The following GMEB1 variants were observed in gnomAD, a reference collection of about 807,000 sequenced individuals.
GMEB1 encodes the protein glucocorticoid modulatory element-binding protein 1.
GMEB1 carries 6 observed loss-of-function variants against 52.4 expected under a neutral mutation model. The ratio of observed to expected loss-of-function variants is 0.11; its 90% CI spans 0.06 to 0.23. The LOEUF is 0.23. Among genes scored for constraint, GMEB1 ranks in the 10% least tolerant of loss-of-function variants. GMEB1 has a pLI of 1.00. For synonymous variants in GMEB1, 255 were observed against 244.9 expected, an observed-to-expected ratio of 1.04 and a Z score of -0.38; for missense variants, 486 against 685.6, an observed-to-expected ratio of 0.71 and a Z score of 3.25.
intron 6 of GMEB1, among the ~76,000 whole-genome samples, chr1:28,701,545 G>A (rs938054032): frequency 9.9e-5 from 15 of 152,088 alleles, no homozygotes; most frequent in African/African-American, 3.6e-4. Flanking sequence ...TGGGATTACA[G>A]GCGTGAGCCA....
At chr1:28,679,068 A>G (rs1239111645) in intron 1 of GMEB1, among the ~76,000 whole-genome samples, 2 of 151,250 alleles carry the variant, frequency 1.3e-5, no homozygotes, top group Admixed American at 6.6e-5. Context: ...TTGTATTTTT[A>G]GCAGAGACGG....
chr1:28,690,203 G>GTTTTTTTTTTTTTT lies in GMEB1; in HGVS notation c.211+25_211+38dup, dbSNP rs878890649. Reference sequence around the variant, plus strand: ...AAGGGATTGGTAAGGGTTTTTTTGTGTTTTTTTTTTTTTTTTTTTTTGTCA... The same window carrying GTTTTTTTTTTTTTT: ...AAGGGATTGGTAAGGGTTTTTTTGTGTTTTTTTTTTTTTTTTTTTTTTTTTTTTTTTTTTTGTCA... On this transcript the variant is annotated intron_variant, in intron 3 of 9. Transcript: ENST00000373816. 94 of 516,002 alleles carry GTTTTTTTTTTTTTT rather than the reference G, an allele frequency of 1.8e-4. No homozygotes were observed. Among genetic ancestry groups the GTTTTTTTTTTTTTT allele is most frequent in the South Asian group, 4.0e-4 (17 of 42,626 alleles). 32.0% of individuals were successfully genotyped at this position (516,002 alleles called of 1,614,324 possible).
chr1:28,676,792 G>C (rs1226540659), intron 1 of GMEB1, among the ~76,000 whole-genome samples: 1 of 152,136 alleles, frequency 6.6e-6, no homozygotes, highest in African/African-American at 2.4e-5. Flanking sequence ...AAGTGGCCGG[G>C]CGCCATGGCT....
rs1242925509 is a variant in GMEB1 at position 28,714,851 on chromosome 1, A to T, written c.*78A>T. 7 of 954,916 alleles carry T rather than the reference A, an allele frequency of 7.3e-6. No individual in the cohort carries two copies. Among genetic ancestry groups the T allele is most frequent in the Non-Finnish European group, 1.1e-5 (7 of 635,874 alleles). The allele number at this position is 954,916 out of a possible 1,614,324, so 59.2% of individuals were successfully genotyped here. On this transcript the variant is annotated 3_prime_UTR_variant, in exon 10 of 10. Coordinates refer to ENST00000373816, the MANE Select transcript of GMEB1 (RefSeq NM_001319674.2). ...GTTTATTTTTATCATTGTCCCACTC[A>T]TTTCCACATAGGACCCTTTTTTAAA...
intron 7 of GMEB1, 86 bp downstream of exon 7, chr1:28,702,655 T>A: frequency 8.0e-7 from 1 of 1,243,512 alleles, no homozygotes; most frequent in Non-Finnish European, 1.1e-6. Context: ...ACCTCTTAAT[T>A]ACTTTCGCTG....
At chr1:28,707,095 G>C (rs556753892) in intron 8 of GMEB1, among the ~76,000 whole-genome samples, 26 of 143,660 alleles carry the variant, frequency 1.8e-4, no homozygotes, top group Non-Finnish European at 3.1e-4. Context: ...GCATTCTCCT[G>C]TCACAGCCTC....
In GMEB1 at chr1:28,702,578, C is replaced by T. The variant is rs753460003; in HGVS notation, c.730+9C>T. On this transcript the variant is annotated intron_variant, in intron 7 of 9. Coordinates refer to ENST00000373816, the MANE Select transcript of GMEB1 (RefSeq NM_001319674.2). ...CTCAGAGGAAATTTCAGGTATTCTT[C>T]TATAGGGCTCAGATGTCTTGCAGGG... The T allele has an allele frequency of 3.7e-6, 6 of 1,611,732 alleles. No homozygotes were observed. In the African/African-American group the frequency reaches 6.7e-5, roughly 18 times the overall value.
At chr1:28,673,503 C>A (rs1380048619) in intron 1 of GMEB1, among the ~76,000 whole-genome samples, 1 of 152,016 alleles carries the variant, frequency 6.6e-6, no homozygotes, top group Non-Finnish European at 1.5e-5. Context: ...GATCCACCCT[C>A]CTTGGCCTCC....
intron 3 of GMEB1, among the ~76,000 whole-genome samples, chr1:28,690,697 C>G (rs1290835417): frequency 1.3e-5 from 2 of 152,124 alleles, no homozygotes; most frequent in African/African-American, 2.4e-5. Context: ...TAAAAAACAT[C>G]TGGTCGAGCG....
intron 6 of GMEB1, among the ~76,000 whole-genome samples, chr1:28,700,892 G>A (rs1258372975): frequency 6.6e-6 from 1 of 152,084 alleles, no homozygotes; most frequent in Admixed American, 6.6e-5. Context: ...GAACAATATG[G>A]GTTTGATTGG....
intron 2 of GMEB1, among the ~76,000 whole-genome samples, chr1:28,686,855 G>A (rs936091337): frequency 5.9e-5 from 9 of 152,020 alleles, no homozygotes; most frequent in African/African-American, 1.4e-4. Flanking sequence ...AAATGAATAA[G>A]CCATAATCTG....
At chr1:28,707,826 A>G (rs1398512995) in intron 8 of GMEB1, among the ~76,000 whole-genome samples, 2 of 152,140 alleles carry the variant, frequency 1.3e-5, no homozygotes, top group East Asian at 3.9e-4. Flanking sequence ...CCATGGGACC[A>G]AGTGAGGTGA....
chr1:28,703,344 CTGT>C (rs1160512061), intron 7 of GMEB1, among the ~76,000 whole-genome samples: 1 of 152,120 alleles, frequency 6.6e-6, no homozygotes, highest in Non-Finnish European at 1.5e-5. Context: ...TTAGTTGGCA[CTGT>C]TGTTAGATGC....
At chr1:28,698,988 A>C (rs1670364602) in intron 6 of GMEB1, among the ~76,000 whole-genome samples, 1 of 152,226 alleles carries the variant, frequency 6.6e-6, no homozygotes, top group African/African-American at 2.4e-5. Flanking sequence ...CTCAAAAAAA[A>C]AGGAAAAAAG....
At chr1:28,685,941 A>G (rs1669621019) in intron 2 of GMEB1, among the ~76,000 whole-genome samples, 1 of 152,226 alleles carries the variant, frequency 6.6e-6, no homozygotes, top group African/African-American at 2.4e-5. Context: ...CTTAGGCGAC[A>G]GAGAGAGACT....
At chr1:28,687,381 C>CAA (rs1157094477) in intron 2 of GMEB1, among the ~76,000 whole-genome samples, 354 of 27,148 alleles carry the variant, frequency 0.013, 72 homozygotes, top group Middle Eastern at 0.023. Context: ...CACACACACA[C>CAA]ACACACAAAA....
chr1:28,680,299 T>G (rs1669337068), intron 1 of GMEB1, among the ~76,000 whole-genome samples: 1 of 152,192 alleles, frequency 6.6e-6, no homozygotes. Flanking sequence ...AAAAATGTAT[T>G]GCATATCTGC....
At chr1:28,699,472 C>T (rs150421792) in intron 6 of GMEB1, among the ~76,000 whole-genome samples, 212 of 151,944 alleles carry the variant, frequency 1.4e-3, no homozygotes, top group South Asian at 7.5e-3. Context: ...CTTTGTCACC[C>T]GGGCTGGAGT....
At chr1:28,677,467 G>C (rs1669211676) in intron 1 of GMEB1, among the ~76,000 whole-genome samples, 1 of 152,108 alleles carries the variant, frequency 6.6e-6, no homozygotes, top group Admixed American at 6.6e-5. Context: ...AAAGTGCTGG[G>C]ATTACAGGCG....
Sources: allele counts gnomAD v4.1 joint callset (sites outside exome capture counted in the v4.1 genomes callset), GRCh38; gene constraint gnomAD v4.1.1; transcripts MANE v1.5; gene names NCBI Gene and HGNC (gene_info 2026-07-23, HGNC 2026-07-21).